The following TP63 variants were observed in gnomAD, a reference collection of about 807,000 sequenced individuals.
TP63 encodes tumor protein 63.
TP63 carries 17 observed loss-of-function variants against 82.8 expected under a neutral mutation model. The observed-to-expected ratio is 0.21, with a 90% CI of 0.14 to 0.31. TP63 has a LOEUF of 0.31. TP63 is among the 10% of genes least tolerant of loss of function. The probability of loss-of-function intolerance (pLI) is 1.00; values close to 1 mark genes in which losing one functional copy is unlikely to be tolerated. For missense variants in TP63, 648 were observed against 895.3 expected, an observed-to-expected ratio of 0.72 and a Z score of 3.52; for synonymous variants, 330 against 321.7, an observed-to-expected ratio of 1.03 and a Z score of -0.28.
chr3:189,894,462 G>A lies in TP63; in HGVS notation c.2003G>A (p.Arg668His), dbSNP rs758317410. Residue 668 changes from arginine (R) to histidine (H), a missense_variant, in exon 14 of 14, where the codon CGC (arginine) becomes CAC (histidine). Arg to His is a conservative substitution (Grantham distance 29). This residue lies in a region of TP63 where 342 missense variants were observed against 425.7 expected (regional missense o/e 0.80). Transcript: ENST00000264731. ...GACTTCAACTTTGACATGGATGCTC[G>A]CCGCAATAAGCAACAGCGCATCAAA... ...WNDFNFDMDA[R>H]RNKQQRIKEE... The A allele has an allele frequency of 1.9e-6, 3 of 1,613,728 alleles. No homozygotes were observed. The highest frequency in any genetic ancestry group is 1.3e-5 in the African/African-American group (1 of 74,842).
chr3:189,755,200 C>A (rs1420918514), intron 3 of TP63, among the ~76,000 whole-genome samples: 1 of 152,094 alleles, frequency 6.6e-6, no homozygotes. Context: ...AAATATACAG[C>A]CGAATATAAA....
At chr3:189,765,487 G>A (rs1722888710) in intron 3 of TP63, among the ~76,000 whole-genome samples, 1 of 105,444 alleles carries the variant, frequency 9.5e-6, no homozygotes, top group Non-Finnish European at 1.8e-5. Context: ...CCCAGGCAGA[G>A]TGCAGTGGGG....
intron 3 of TP63, among the ~76,000 whole-genome samples, chr3:189,757,716 C>A (rs1248091918): frequency 6.6e-6 from 1 of 152,238 alleles, no homozygotes; most frequent in Admixed American, 6.5e-5. Context: ...ATGAGCAGGA[C>A]AGGAGAGGGC....
chr3:189,846,427 T>C (rs1431845237), intron 4 of TP63, among the ~76,000 whole-genome samples: 1 of 152,202 alleles, frequency 6.6e-6, no homozygotes, highest in Non-Finnish European at 1.5e-5. Flanking sequence ...AAAACTGTCA[T>C]GTCAGTATAC....
chr3:189,785,008 C>T (rs1724490814), intron 3 of TP63, among the ~76,000 whole-genome samples: 1 of 152,014 alleles, frequency 6.6e-6, no homozygotes. Context: ...GCCTGGAAAG[C>T]CCCAACATTT....
the TP63 span, among the ~76,000 whole-genome samples, chr3:189,616,461 T>C: frequency 2.0e-5 from 3 of 152,242 alleles, no homozygotes; most frequent in Admixed American, 6.5e-5. Context: ...CAACAAATAA[T>C]GAGTCCAACA....
intron 4 of TP63, among the ~76,000 whole-genome samples, chr3:189,833,801 C>T (rs775289979): frequency 2.0e-4 from 31 of 152,104 alleles, no homozygotes; most frequent in South Asian, 8.3e-4. Context: ...AAAGCCAGAT[C>T]TCTACTCCAC....
intron 1 of TP63, among the ~76,000 whole-genome samples, chr3:189,646,385 C>T (rs896948123): frequency 4.1e-5 from 6 of 146,904 alleles, no homozygotes; most frequent in East Asian, 4.7e-4. Context: ...GAGTGAAGGA[C>T]GCTCTTGCTT....
chr3:189,729,775 G>A (rs1005166565), intron 1 of TP63, among the ~76,000 whole-genome samples: 5 of 152,130 alleles, frequency 3.3e-5, no homozygotes, highest in African/African-American at 1.2e-4. Flanking sequence ...TTAATTTAGA[G>A]TTTGCAAGTG....
intron 1 of TP63, among the ~76,000 whole-genome samples, chr3:189,690,392 C>G (rs1408916441): frequency 1.3e-5 from 2 of 152,178 alleles, no homozygotes; most frequent in Non-Finnish European, 2.9e-5. Context: ...CCTACTCCCC[C>G]CAACTCAGGA....
At chr3:189,878,573 A>C (rs1719517182) in intron 10 of TP63, among the ~76,000 whole-genome samples, 1 of 139,252 alleles carries the variant, frequency 7.2e-6, no homozygotes, top group Admixed American at 7.3e-5. Flanking sequence ...ATTTTGATAT[A>C]TATATATAAT....
intron 3 of TP63, among the ~76,000 whole-genome samples, chr3:189,803,904 A>C (rs1211205217): frequency 6.6e-6 from 1 of 152,118 alleles, no homozygotes; most frequent in Non-Finnish European, 1.5e-5. Context: ...CTCTTTTTTC[A>C]GACATGCTGA....
chr3:189,755,860 T>C (rs1722148645), intron 3 of TP63, among the ~76,000 whole-genome samples: 1 of 152,186 alleles, frequency 6.6e-6, no homozygotes, highest in Non-Finnish European at 1.5e-5. Context: ...TGAAGGCCTG[T>C]CTAGATGTCT....
chr3:189,822,411 G>T (rs574261737), intron 4 of TP63, among the ~76,000 whole-genome samples: 1 of 151,810 alleles, frequency 6.6e-6, no homozygotes, highest in Non-Finnish European at 1.5e-5. Context: ...CCATCCTGAG[G>T]GTTTAATCTG....
intron 3 of TP63, among the ~76,000 whole-genome samples, chr3:189,777,426 A>G (rs907075335): frequency 1.3e-5 from 2 of 151,702 alleles, no homozygotes; most frequent in African/African-American, 4.8e-5. Context: ...CAAACTCCTG[A>G]CCTCAGGTGA....
At chr3:189,677,367 T>C (rs1040765097) in intron 1 of TP63, among the ~76,000 whole-genome samples, 16 of 146,368 alleles carry the variant, frequency 1.1e-4, no homozygotes, top group Admixed American at 9.0e-4. Context: ...ATTATATATT[T>C]ATATGTAAAT....
intron 4 of TP63, among the ~76,000 whole-genome samples, chr3:189,814,387 A>G (rs1469622809): frequency 6.6e-6 from 1 of 152,206 alleles, no homozygotes; most frequent in Non-Finnish European, 1.5e-5. Context: ...TAATCTTACA[A>G]TTCAGTGGCT....
At chr3:189,792,848 A>G (rs184774537) in intron 3 of TP63, among the ~76,000 whole-genome samples, 156 of 152,210 alleles carry the variant, frequency 1.0e-3, no homozygotes, top group African/African-American at 3.7e-3. Context: ...CCTGTAGTCC[A>G]GGTCATTCTC....
chr3:189,875,408 A>C (rs963666636), intron 10 of TP63, among the ~76,000 whole-genome samples: 3 of 150,904 alleles, frequency 2.0e-5, no homozygotes, highest in Non-Finnish European at 4.4e-5. Context: ...GCTACTAAAA[A>C]TACAAAAATT....
Sources: allele counts gnomAD v4.1 joint callset (sites outside exome capture counted in the v4.1 genomes callset), GRCh38; gene constraint gnomAD v4.1.1; regional missense constraint gnomAD v4.1.1; transcripts MANE v1.5; gene names NCBI Gene and HGNC (gene_info 2026-07-23, HGNC 2026-07-21).